The following LRRC53 variants were observed in gnomAD, a reference collection of about 807,000 sequenced individuals.
LRRC53 encodes the protein leucine-rich repeat-containing protein 53.
LRRC53 carries 25 observed loss-of-function variants against 13.6 expected under a neutral mutation model. That is an observed-to-expected ratio of 1.83 (90% confidence interval 1.34 to 2.56). The LOEUF is 2.56. Among genes scored for constraint, LRRC53 ranks in the 30% most tolerant of loss-of-function variants. LRRC53 has a pLI of 0.00. For synonymous variants in LRRC53, 204 were observed against 109.8 expected (o/e 1.86, Z -5.37); for missense variants, 527 against 275.8 (o/e 1.91, Z -6.45).
At chr1:74,484,099 T>C (rs555594142) in intron 1 of LRRC53, among the ~76,000 whole-genome samples, 2 of 152,170 alleles carry the variant, frequency 1.3e-5, no homozygotes, top group Middle Eastern at 3.4e-3. Context: ...TTAGTAAATG[T>C]TAAACTTTAC....
intron 1 of LRRC53, among the ~76,000 whole-genome samples, chr1:74,500,385 A>T (rs1048858304): frequency 1.3e-5 from 2 of 151,784 alleles, no homozygotes; most frequent in Admixed American, 1.3e-4. Context: ...GCGGATCACG[A>T]GGTCAGGAGA....
At chr1:74,493,679 C>T (rs45541844) in intron 1 of LRRC53, among the ~76,000 whole-genome samples, 5,042 of 152,222 alleles carry the variant, frequency 0.033, 284 homozygotes, top group African/African-American at 0.12. Flanking sequence ...CTACAGATTG[C>T]GTTCAGGTCT....
chr1:74,521,554 T>A, the LRRC53 span, among the ~76,000 whole-genome samples: 1 of 151,982 alleles, frequency 6.6e-6, no homozygotes, highest in African/African-American at 2.4e-5. Context: ...ATATATGCAG[T>A]CAAAATTAAA....
chr1:74,469,814 G>T lies in LRRC53; in HGVS notation c.*64C>A. The stretch of plus-strand genomic sequence containing the variant: ...TTCTAATGCATGCAAAGGCTAGTGG[G>T]TGTTTGTCCTCTTGAAGAAAGCTAA... On this transcript the variant is annotated 3_prime_UTR_variant, in exon 5 of 5. Coordinates refer to ENST00000294635, the MANE Select transcript of LRRC53 (RefSeq NM_001382280.1). 2.5e-6 allele frequency: 1 copy of T among 399,570 alleles called. No homozygotes were observed. The highest frequency in any genetic ancestry group is 1.3e-4 in the South Asian group (1 of 7,558). The allele number at this position is 399,570 out of a possible 1,614,324, so 24.8% of individuals were successfully genotyped here. A position where few individuals can be genotyped will look rare whatever the true frequency, so the allele number is the denominator to read the frequency against.
In LRRC53 at chr1:74,472,006, T is replaced by C. The variant is rs1342180407; in HGVS notation, c.1616A>G (p.Tyr539Cys). The change falls in exon 5 of 5, where the codon TAT becomes TGT. Residue 539 changes from tyrosine (Y) to cysteine (C), a missense_variant. Tyr to Cys is a radical substitution (Grantham distance 194). Coordinates refer to ENST00000294635, the MANE Select transcript of LRRC53 (RefSeq NM_001382280.1). ...ATTTTTTTGTACGATCTTTTGTACA[T>C]AGTGTTCCTCAGGCTCACAAGGCTT... ...SSKPCEPEEH[Y>C]VQKIVQKNRS... The C allele has an allele frequency of 1.5e-6, 1 of 680,406 alleles. No individual in the cohort carries two copies. The highest frequency in any genetic ancestry group is 1.8e-5 in the African/African-American group (1 of 55,544). The allele number at this position is 680,406 out of a possible 1,614,324, so 42.1% of individuals were successfully genotyped here.
At chr1:74,486,576 A>G (rs1668781070) in intron 1 of LRRC53, among the ~76,000 whole-genome samples, 1 of 151,464 alleles carries the variant, frequency 6.6e-6, no homozygotes, top group Non-Finnish European at 1.5e-5. Context: ...AAGGCTATAA[A>G]TATAATTAAT....
At chr1:74,536,105 T>C in the LRRC53 span, among the ~76,000 whole-genome samples, 5 of 152,182 alleles carry the variant, frequency 3.3e-5, no homozygotes, top group African/African-American at 1.2e-4. Context: ...ATTAACTCAC[T>C]AGCCTAGTTT....
In LRRC53 at chr1:74,492,105, T is replaced by A. The variant is rs2100304421; in HGVS notation, c.-26-8730A>T. The A allele has an allele frequency of 6.2e-7, 1 of 1,604,942 alleles. No homozygotes were observed. Among genetic ancestry groups the A allele is most frequent in the African/African-American group, 1.3e-5 (1 of 74,950 alleles). Reference sequence around the variant, plus strand: ...GCCCCTCCTCCACTCAGCTGATGTCTCCTGCATCAAGTAACAGCAGTGGGT... The same window carrying A: ...GCCCCTCCTCCACTCAGCTGATGTCACCTGCATCAAGTAACAGCAGTGGGT... On this transcript the variant is annotated intron_variant, in intron 1 of 4. Transcript: ENST00000294635.
At chr1:74,484,345 A>T (rs990727623) in intron 1 of LRRC53, among the ~76,000 whole-genome samples, 8 of 152,178 alleles carry the variant, frequency 5.3e-5, no homozygotes, top group African/African-American at 1.7e-4. Flanking sequence ...GCATTTGTAG[A>T]TCACCTTCTG....
chr1:74,493,584 C>T (rs1669181403), intron 1 of LRRC53, among the ~76,000 whole-genome samples: 1 of 152,170 alleles, frequency 6.6e-6, no homozygotes, highest in African/African-American at 2.4e-5. Context: ...AATAACCCAT[C>T]CCAGAATTCA....
Position 74,495,011 on chromosome 1 carries a change from G to C in LRRC53, c.-26-11636C>G, listed in dbSNP as rs1404527283. 2.6e-5 allele frequency among the ~76,000 whole-genome samples: 4 copies of C among 152,190 alleles called. No individual in the cohort carries two copies. The South Asian group carries it at 8.3e-4, about 31-fold the overall frequency. On this transcript the variant is annotated intron_variant, in intron 1 of 4. Transcript: ENST00000294635. The stretch of plus-strand genomic sequence containing the variant: ...CTTCTCTAGCCTTCAAGAATCTAGA[G>C]ATGTATACCACTACTAATTTTTCAA...
intron 1 of LRRC53, among the ~76,000 whole-genome samples, chr1:74,505,788 C>A (rs1037079131): frequency 6.6e-6 from 1 of 151,918 alleles, no homozygotes; most frequent in Non-Finnish European, 1.5e-5. Flanking sequence ...AATACTGGAC[C>A]CAGGAAGAAA....
chr1:74,493,070 A>G (rs1669157317), intron 1 of LRRC53, among the ~76,000 whole-genome samples: 1 of 152,124 alleles, frequency 6.6e-6, no homozygotes, highest in African/African-American at 2.4e-5. Context: ...TTATCTCCTT[A>G]AAGGCCTTCT....
chr1:74,486,285 T>C (rs1406744669), intron 1 of LRRC53, among the ~76,000 whole-genome samples: 1 of 151,376 alleles, frequency 6.6e-6, no homozygotes, highest in Non-Finnish European at 1.5e-5. Flanking sequence ...CCCTCCAGGA[T>C]CTACTTGCTT....
At chr1:74,506,939 T>C (rs1044746235) in intron 1 of LRRC53, among the ~76,000 whole-genome samples, 4 of 152,206 alleles carry the variant, frequency 2.6e-5, no homozygotes, top group African/African-American at 7.2e-5. Context: ...GTATCATGTC[T>C]CTGTTGAATA....
At position 74,475,387 on chromosome 1, in the gene LRRC53, G is replaced by A. The variant is rs45516996; in HGVS notation, c.1328C>T (p.Thr443Ile). ...CTTTTGAACTTTCCTTGGATTATAT[G>A]TTGTAAGTAAGCCTGCTTCATTAAA... ...RAFNEAGLLT[T>I]YNPRKVQKLW... The change falls in exon 4 of 5, where the codon ACA becomes ATA. Residue 443 changes from threonine (T) to isoleucine (I), a missense_variant. Coordinates refer to ENST00000294635, the MANE Select transcript of LRRC53 (RefSeq NM_001382280.1). 6 of 716,914 alleles carry A rather than the reference G, an allele frequency of 8.4e-6. No individual in the cohort carries two copies. The African/African-American group carries it at 1.0e-4, about 13-fold the overall frequency. 44.4% of individuals were successfully genotyped at this position (716,914 alleles called of 1,614,324 possible).
At chr1:74,479,168 C>T (rs552218777) in intron 3 of LRRC53, among the ~76,000 whole-genome samples, 1 of 152,250 alleles carries the variant, frequency 6.6e-6, no homozygotes, top group East Asian at 1.9e-4. Context: ...CTCTCCCCAC[C>T]CCCTCATCAC....
rs1206581303 is a variant in LRRC53 at position 74,471,796 on chromosome 1, G to A, written c.1826C>T (p.Ala609Val). 9.4e-6 allele frequency: 4 copies of A among 426,134 alleles called. No individual in the cohort carries two copies. The highest frequency in any genetic ancestry group is 1.2e-5 in the Non-Finnish European group (3 of 241,764). 26.4% of individuals were successfully genotyped at this position (426,134 alleles called of 1,614,324 possible). A position where few individuals can be genotyped will look rare whatever the true frequency, so the allele number is the denominator to read the frequency against. The change falls in exon 5 of 5, where the codon GCA (alanine) becomes GTA (valine). Residue 609 changes from alanine (A) to valine (V), a missense_variant. Physicochemically the swap from Ala to Val is moderately conservative, Grantham distance 64 (BLOSUM62 0). Coordinates refer to ENST00000294635, the MANE Select transcript of LRRC53 (RefSeq NM_001382280.1). ...PEKEQIQINS[A>V]IEKFLMSEDN... ...CTCACTCATAAGAAATTTTTCTATT[G>A]CACTGTTAATTTGGATTTGCTCTTT...
intron 4 of LRRC53, among the ~76,000 whole-genome samples, chr1:74,472,838 A>G (rs115624317): frequency 1.1e-4 from 17 of 152,266 alleles, no homozygotes; most frequent in Non-Finnish European, 1.9e-4. Context: ...ACAGATTAAT[A>G]TAATATTTAA....
Sources: allele counts gnomAD v4.1 joint callset (sites outside exome capture counted in the v4.1 genomes callset), GRCh38; gene constraint gnomAD v4.1.1; transcripts MANE v1.5; gene names NCBI Gene and HGNC (gene_info 2026-07-23, HGNC 2026-07-21).